LRCH2: variants seen among roughly 807,000 people sequenced by gnomAD.
LRCH2 encodes the protein leucine rich repeats and calponin homology domain containing 2.
A neutral mutation model predicts 68.9 loss-of-function variants in LRCH2; 38 were observed. The ratio of observed to expected loss-of-function variants is 0.55; its 90% CI spans 0.43 to 0.72. The LOEUF (loss-of-function observed/expected upper bound fraction) is 0.72, where lower values mean the gene tolerates loss of function less well. Ranked by LOEUF, LRCH2 falls within the 30% of genes least tolerant of loss-of-function variation. The probability of loss-of-function intolerance (pLI) is 0.00; values close to 1 mark genes in which losing one functional copy is unlikely to be tolerated. For synonymous variants in LRCH2, 191 were observed against 208.1 expected (o/e 0.92, Z 0.71); for missense variants, 528 against 572.9 (o/e 0.92, Z 0.80).
At chrX:115,187,253 T>C (rs2072739905) in intron 2 of LRCH2, among the ~76,000 whole-genome samples, 1 of 112,139 alleles carries the variant, frequency 8.9e-6, no homozygotes, top group Non-Finnish European at 1.9e-5. Flanking sequence ...ATCATTTATG[T>C]ATATTAATTA....
Position 115,112,921 on chromosome X carries a change from C to T in LRCH2, c.*295G>A. On this transcript the variant is annotated 3_prime_UTR_variant, in exon 21 of 21. Coordinates refer to ENST00000317135, the MANE Select transcript of LRCH2 (RefSeq NM_020871.4). The stretch of plus-strand genomic sequence containing the variant: ...TAATGTGATTATTAAATTGAAACTA[C>T]ATTTTAAATTTAGTATCAGTCTGCT... 6.2e-6 allele frequency: 1 copy of T among 161,761 alleles called. No homozygotes were observed. The highest frequency in any genetic ancestry group is 2.4e-3 in the Middle Eastern group (1 of 411). 13.3% of individuals were successfully genotyped at this position (161,761 alleles called of 1,213,427 possible).
At chrX:115,180,643 T>C in intron 3 of LRCH2, among the ~76,000 whole-genome samples, 1 of 111,592 alleles carries the variant, frequency 9.0e-6, no homozygotes, top group East Asian at 2.8e-4. Context: ...GTGAAAATGA[T>C]AATAGCTTGG....
intron 1 of LRCH2, among the ~76,000 whole-genome samples, chrX:115,201,111 G>A (rs1556566084): frequency 9.0e-6 from 1 of 111,175 alleles, no homozygotes. Flanking sequence ...CATGAATGGT[G>A]GCAGGCAAAG....
chrX:115,138,925 A>C (rs1170213239), intron 14 of LRCH2: 1 of 112,217 alleles, frequency 8.9e-6, no homozygotes, highest in Non-Finnish European at 1.9e-5. Context: ...ATTACATCTA[A>C]ATTCAAATGT....
intron 12 of LRCH2, among the ~76,000 whole-genome samples, chrX:115,153,700 T>C (rs368871680): frequency 2.9e-4 from 32 of 111,101 alleles, no homozygotes; most frequent in Non-Finnish European, 4.9e-4. Flanking sequence ...AATGGCATAA[T>C]AGCCCTTGAA....
At chrX:115,207,903 G>C (rs1243133365) in intron 1 of LRCH2, among the ~76,000 whole-genome samples, 6 of 111,690 alleles carry the variant, frequency 5.4e-5, no homozygotes, top group Non-Finnish European at 1.1e-4. Flanking sequence ...AAAGCAGAGG[G>C]TAAACCAGAC....
chrX:115,143,195 A>G (rs1461128546), intron 14 of LRCH2, among the ~76,000 whole-genome samples: 2 of 112,002 alleles, frequency 1.8e-5, no homozygotes, highest in African/African-American at 6.5e-5. Flanking sequence ...CAATGAAACA[A>G]AAATATGGTT....
At chrX:115,134,947 T>C (rs1018099668) in intron 14 of LRCH2, among the ~76,000 whole-genome samples, 2 of 110,971 alleles carry the variant, frequency 1.8e-5, no homozygotes, top group East Asian at 5.7e-4. Flanking sequence ...AGAACATTTA[T>C]AATTCATGAG....
chrX:115,168,477 C>T (rs1556546333), intron 6 of LRCH2, among the ~76,000 whole-genome samples: 1 of 111,649 alleles, frequency 9.0e-6, no homozygotes, highest in African/African-American at 3.3e-5. Context: ...AAATATCTCA[C>T]CAAGTTTTCA....
In LRCH2 at chrX:115,189,258, C is replaced by T. The variant is rs782550935; in HGVS notation, c.350-888G>A. Reference sequence around the variant, plus strand: ...TTCTTATTTTCTATTCCTAGGATTTCCTCTACCTGTATCATAGACGTTGGT... The same window carrying T: ...TTCTTATTTTCTATTCCTAGGATTTTCTCTACCTGTATCATAGACGTTGGT... On this transcript the variant is annotated intron_variant, in intron 1 of 20. Coordinates refer to ENST00000317135, the MANE Select transcript of LRCH2 (RefSeq NM_020871.4). Among the ~76,000 whole-genome samples the T allele has an allele frequency of 2.7e-5, 3 of 112,586 alleles. No homozygotes were observed. In the South Asian group the frequency reaches 1.1e-3, roughly 41 times the overall value.
At chrX:115,127,947 G>T (rs1396393228) in intron 15 of LRCH2, among the ~76,000 whole-genome samples, 5 of 111,156 alleles carry the variant, frequency 4.5e-5, no homozygotes, top group African/African-American at 1.6e-4. Flanking sequence ...CTAAGTTATG[G>T]GGGGAAACTG....
At chrX:115,130,267 G>T in intron 14 of LRCH2, 68 bp from the exon 15 acceptor site, 1 of 553,218 alleles carries the variant, frequency 1.8e-6, no homozygotes, top group Non-Finnish European at 2.8e-6. Context: ...AGTAAATTAT[G>T]TACAAGGTTC....
chrX:115,145,856 G>A (rs1249803439), intron 14 of LRCH2, among the ~76,000 whole-genome samples: 2 of 111,553 alleles, frequency 1.8e-5, no homozygotes, highest in Non-Finnish European at 1.9e-5. Flanking sequence ...AAATTAGTAC[G>A]AACAATATGG....
At chrX:115,149,054 T>C (rs1451984814) in intron 14 of LRCH2, among the ~76,000 whole-genome samples, 1 of 111,689 alleles carries the variant, frequency 9.0e-6, no homozygotes, top group Non-Finnish European at 1.9e-5. Flanking sequence ...ATTACTATTA[T>C]CATCTAATAA....
intron 11 of LRCH2, among the ~76,000 whole-genome samples, chrX:115,158,342 G>A (rs1556540331): frequency 9.0e-6 from 1 of 111,635 alleles, no homozygotes; most frequent in Non-Finnish European, 1.9e-5. Context: ...AGACAGGGTA[G>A]TCATTTGTAA....
intron 14 of LRCH2, among the ~76,000 whole-genome samples, chrX:115,134,830 T>A (rs1411451525): frequency 1.1e-5 from 1 of 94,987 alleles, no homozygotes; most frequent in Non-Finnish European, 2.2e-5. Context: ...TACTAAGTAA[T>A]AACATATCAT....
Position 115,132,026 on chromosome X carries a change from T to C in LRCH2, c.1696-1827A>G, listed in dbSNP as rs188383276. Among the ~76,000 whole-genome samples, 8 of 111,832 alleles carry C rather than the reference T, an allele frequency of 7.2e-5. No homozygotes were observed. The East Asian group carries it at 2.3e-3, about 32-fold the overall frequency. On this transcript the variant is annotated intron_variant, in intron 14 of 20. Transcript: ENST00000317135. ...GGTAGATTGTAAAAATTTTCTCCCATTCTGTAGGTAGCCTGTTCACTCTGA... is the reference window on the plus strand; with the variant it reads ...GGTAGATTGTAAAAATTTTCTCCCACTCTGTAGGTAGCCTGTTCACTCTGA...
intron 1 of LRCH2, among the ~76,000 whole-genome samples, chrX:115,233,053 C>T (rs2073162930): frequency 8.9e-6 from 1 of 112,101 alleles, no homozygotes; most frequent in Non-Finnish European, 1.9e-5. Context: ...GATTAGCTTT[C>T]TTCTAGTAAG....
At chrX:115,137,026 A>C (rs2147358940) in intron 14 of LRCH2, among the ~76,000 whole-genome samples, 1 of 112,239 alleles carries the variant, frequency 8.9e-6, no homozygotes, top group South Asian at 3.7e-4. Flanking sequence ...AAAGACATTT[A>C]TCATTTCTTT....
Sources: allele counts gnomAD v4.1 joint callset (sites outside exome capture counted in the v4.1 genomes callset), GRCh38; gene constraint gnomAD v4.1.1; transcripts MANE v1.5; gene names NCBI Gene and HGNC (gene_info 2026-07-23, HGNC 2026-07-21).